The following PCGF6 variants were observed in gnomAD, a reference collection of about 807,000 sequenced individuals.
PCGF6 encodes the protein polycomb group ring finger 6, also known as polycomb group RING finger protein 6.
A neutral mutation model predicts 45.5 loss-of-function variants in PCGF6; 24 were observed. That is an observed-to-expected ratio of 0.53 (90% CI 0.38 to 0.74). PCGF6 has a LOEUF of 0.74. PCGF6 is among the 30% of genes least tolerant of loss of function. PCGF6 has a pLI of 0.00. For synonymous variants in PCGF6, 152 were observed against 162.1 expected (o/e 0.94, Z 0.47); for missense variants, 356 against 443.2 (o/e 0.80, Z 1.77).
intron 8 of PCGF6, among the ~76,000 whole-genome samples, chr10:103,322,962 C>A (rs1285379496): frequency 6.6e-6 from 1 of 151,836 alleles, no homozygotes; most frequent in Non-Finnish European, 1.5e-5. Flanking sequence ...CATAAATAGC[C>A]ATAGAATAAT....
At chr10:103,316,288 T>C (rs959484746) in intron 8 of PCGF6, among the ~76,000 whole-genome samples, 1 of 152,140 alleles carries the variant, frequency 6.6e-6, no homozygotes, top group Non-Finnish European at 1.5e-5. Flanking sequence ...AGACTTCTTA[T>C]CTTCAATACT....
chr10:103,320,466 T>G (rs953342618), intron 8 of PCGF6, among the ~76,000 whole-genome samples: 5 of 152,100 alleles, frequency 3.3e-5, no homozygotes, highest in Non-Finnish European at 1.5e-5. Flanking sequence ...GTGGGCAGAT[T>G]GCCTGAGGCT....
In PCGF6 at chr10:103,347,440, G is replaced by A. The variant is rs778444995; in HGVS notation, c.568C>T (p.Gln190Ter). Residue 190 changes from glutamine (Q) to a stop codon, truncating the protein, a stop_gained, in exon 4 of 10, where the codon CAG becomes TAG. Coordinates refer to ENST00000369847, the MANE Select transcript of PCGF6 (RefSeq NM_001011663.2). LOFTEE classifies it high-confidence loss of function. ...QPLYNIRLDR[Q>*]LQDIVYKLVI... ...AATTTGTACACTATGTCTTGTAACT[G>A]TCGGTCCAACCTAATAAAAGGAAAG... The A allele has an allele frequency of 6.2e-7, 1 of 1,606,528 alleles. No individual in the cohort carries two copies. The highest frequency in any genetic ancestry group is 8.5e-7 in the Non-Finnish European group (1 of 1,174,646).
In PCGF6 at chr10:103,310,437, G is replaced by A. The variant is rs1466473071; in HGVS notation, c.996+3749C>T. Among the ~76,000 whole-genome samples, 6 of 152,036 alleles carry A rather than the reference G, an allele frequency of 3.9e-5. No individual in the cohort carries two copies. In the South Asian group the frequency reaches 1.2e-3, roughly 32 times the overall value. On this transcript the variant is annotated intron_variant, in intron 9 of 9. Coordinates refer to ENST00000369847, the MANE Select transcript of PCGF6 (RefSeq NM_001011663.2). ...GGAGGGGTTTGAGTTAAACAAATAGGTATTTGTTGAAACTCATGCATTTCA... is the reference window on the plus strand; with the variant it reads ...GGAGGGGTTTGAGTTAAACAAATAGATATTTGTTGAAACTCATGCATTTCA...
intron 6 of PCGF6, 21 bp from the exon 7 acceptor site, chr10:103,333,973 TAATC>T: frequency 6.7e-7 from 1 of 1,487,896 alleles, no homozygotes; most frequent in Non-Finnish European, 9.0e-7. Flanking sequence ...AGAGCAAAAT[TAATC>T]AATATTTAAT....
chr10:103,314,293 T>A, intron 8 of PCGF6, 21 bp from the exon 9 acceptor site: 1 of 1,396,984 alleles, frequency 7.2e-7, no homozygotes. Flanking sequence ...GAAGAGAGTA[T>A]TAGATTGATT....
chr10:103,320,585 G>A (rs935240629), intron 8 of PCGF6, among the ~76,000 whole-genome samples: 2 of 152,094 alleles, frequency 1.3e-5, no homozygotes, highest in African/African-American at 2.4e-5. Flanking sequence ...TACTCAGGAG[G>A]CTGAGGCAGG....
At chr10:103,344,877 C>A in intron 6 of PCGF6, 147 bp downstream of exon 6, 1 of 593,662 alleles carries the variant, frequency 1.7e-6, no homozygotes, top group Non-Finnish European at 2.9e-6. Context: ...GCCCTTTATA[C>A]CTTTTTCTAA....
intron 8 of PCGF6, among the ~76,000 whole-genome samples, chr10:103,324,915 A>G (rs946901714): frequency 5.3e-5 from 8 of 151,648 alleles, no homozygotes; most frequent in African/African-American, 1.5e-4. Flanking sequence ...TAGGCGGATC[A>G]CCTGAGGTCA....
chr10:103,345,128 A>G lies in PCGF6; in HGVS notation c.678T>C (p.Val226=), dbSNP rs1592077695. ...ERGLEVPKPA[V]PQPVPSSKGR... is the part of the protein sequence containing the mutation. ...CTTTGCTTGAAGGGACTGGCTGTGGAACAGCTATTTAATAGTCAAACAAAA... is the reference window on the plus strand; with the variant it reads ...CTTTGCTTGAAGGGACTGGCTGTGGGACAGCTATTTAATAGTCAAACAAAA... The change falls in exon 6 of 10, where the codon GTT becomes GTC. Residue 226 remains valine (V), a synonymous_variant. Coordinates refer to ENST00000369847, the MANE Select transcript of PCGF6 (RefSeq NM_001011663.2). 1.3e-6 allele frequency: 2 copies of G among 1,599,910 alleles called. No homozygotes were observed. The highest frequency in any genetic ancestry group is 1.7e-5 in the Admixed American group (1 of 57,248).
intron 7 of PCGF6, among the ~76,000 whole-genome samples, chr10:103,328,022 C>G (rs1207073182): frequency 6.6e-6 from 1 of 152,032 alleles, no homozygotes; most frequent in Non-Finnish European, 1.5e-5. Context: ...TATCTAGACA[C>G]ATGTGGCTGG....
chr10:103,335,049 C>CT (rs1431732337), intron 6 of PCGF6, among the ~76,000 whole-genome samples: 1 of 152,002 alleles, frequency 6.6e-6, no homozygotes, highest in Admixed American at 6.6e-5. Flanking sequence ...CCAAAGTATT[C>CT]TTTTTTTCTT....
chr10:103,321,741 A>AATG (rs1017409225), intron 8 of PCGF6, among the ~76,000 whole-genome samples: 1 of 151,930 alleles, frequency 6.6e-6, no homozygotes, highest in African/African-American at 2.4e-5. Context: ...TAATAATAAT[A>AATG]ATATATTGTA....
intron 6 of PCGF6, among the ~76,000 whole-genome samples, chr10:103,335,904 T>A (rs1055197580): frequency 6.7e-6 from 1 of 149,494 alleles, no homozygotes; most frequent in Non-Finnish European, 1.5e-5. Context: ...GAGGCGGAGG[T>A]TGCAGTGAGC....
At chr10:103,311,915 C>T (rs2093158754) in intron 9 of PCGF6, among the ~76,000 whole-genome samples, 1 of 151,040 alleles carries the variant, frequency 6.6e-6, no homozygotes, top group South Asian at 2.1e-4. Flanking sequence ...ACGGTGAAAC[C>T]TCATCTGTAT....
chr10:103,318,820 GA>G (rs1048601945), intron 8 of PCGF6, among the ~76,000 whole-genome samples: 7 of 152,138 alleles, frequency 4.6e-5, no homozygotes, highest in African/African-American at 1.7e-4. Flanking sequence ...ATTGCAGTTA[GA>G]AAACTTTTCA....
In PCGF6 at chr10:103,350,693, G is replaced by A; in HGVS notation, c.360+14C>T. 3 of 1,470,368 alleles carry A rather than the reference G, an allele frequency of 2.0e-6. No individual in the cohort carries two copies. Among genetic ancestry groups the A allele is most frequent in the Non-Finnish European group, 1.8e-6 (2 of 1,104,854 alleles). The allele number at this position is 1,470,368 out of a possible 1,614,324, so 91.1% of individuals were successfully genotyped here. A position where few individuals can be genotyped will look rare whatever the true frequency, so the allele number is the denominator to read the frequency against. On this transcript the variant is annotated intron_variant, in intron 1 of 9. Transcript: ENST00000369847. The stretch of plus-strand genomic sequence containing the variant: ...CGCTTGGGCCCAGCGGGGTCGCGCG[G>A]GGGCTCTAAATACCTCCTCCTCGTC...
chr10:103,318,930 C>T (rs939898029), intron 8 of PCGF6, among the ~76,000 whole-genome samples: 5 of 152,194 alleles, frequency 3.3e-5, no homozygotes, highest in East Asian at 1.9e-4. Context: ...AAGGCTGATA[C>T]GTTAACTCTT....
At chr10:103,347,162 G>T in intron 5 of PCGF6, 76 bp downstream of exon 5, 2 of 1,134,794 alleles carry the variant, frequency 1.8e-6, no homozygotes, top group South Asian at 1.4e-5. Flanking sequence ...CCCCCAAAAG[G>T]AACTTCAAAG....
Sources: allele counts gnomAD v4.1 joint callset (sites outside exome capture counted in the v4.1 genomes callset), GRCh38; gene constraint gnomAD v4.1.1; transcripts MANE v1.5; gene names NCBI Gene and HGNC (gene_info 2026-07-23, HGNC 2026-07-21).